RASGEF1C: variants seen among roughly 807,000 people sequenced by gnomAD.
The protein encoded by RASGEF1C is ras-GEF domain-containing family member 1C.
RASGEF1C carries 27 observed loss-of-function variants against 58.1 expected under a neutral mutation model. The observed-to-expected ratio is 0.46, with a 90% CI of 0.34 to 0.64. The LOEUF is 0.64. RASGEF1C is among the 30% of genes least tolerant of loss of function. The pLI, the probability that RASGEF1C is intolerant of heterozygous loss-of-function variation, is 0.01. For synonymous variants in RASGEF1C, 243 were observed against 246.3 expected, an observed-to-expected ratio of 0.99 and a Z score of 0.13; for missense variants, 502 against 605.1, an observed-to-expected ratio of 0.83 and a Z score of 1.79.
At chr5:180,119,934 TCAG>T (rs1766139335) in intron 7 of RASGEF1C, among the ~76,000 whole-genome samples, 1 of 152,058 alleles carries the variant, frequency 6.6e-6, no homozygotes, top group Admixed American at 6.5e-5. Flanking sequence ...GCTCGGGACT[TCAG>T]ACCCCTGTGA....
At position 180,155,823 on chromosome 5, in the gene RASGEF1C, G is replaced by T. The variant is rs1016469397; in HGVS notation, c.-6-17765C>A. Among the ~76,000 whole-genome samples the T allele has an allele frequency of 5.3e-5, 8 of 152,068 alleles. No individual in the cohort carries two copies. The highest frequency in any genetic ancestry group is 1.0e-4 in the Non-Finnish European group (7 of 68,010). On this transcript the variant is annotated intron_variant, in intron 1 of 13. Coordinates refer to ENST00000361132, the MANE Select transcript of RASGEF1C (RefSeq NM_175062.4). This position sits in a 1 kb window ranked among gnomAD's most constrained non-coding sequence, Gnocchi z 5.2. The stretch of plus-strand genomic sequence containing the variant: ...AGGGGTTTGTTTCACCTCCCAACCC[G>T]CATGCTGCCTTCCCTTCAGGAACTT...
At chr5:180,106,947 G>A (rs907950070) in intron 12 of RASGEF1C, among the ~76,000 whole-genome samples, 1 of 152,112 alleles carries the variant, frequency 6.6e-6, no homozygotes, top group African/African-American at 2.4e-5. Flanking sequence ...TTGTAGCTCT[G>A]ATGTTTGGTG....
At chr5:180,135,051 C>CG (rs563832282) in intron 4 of RASGEF1C, among the ~76,000 whole-genome samples, 6 of 138,476 alleles carry the variant, frequency 4.3e-5, no homozygotes, top group East Asian at 2.2e-4. Context: ...CCCCACCCCC[C>CG]CCGTCCAATC....
At chr5:180,207,882 T>C (rs763883350) in intron 1 of RASGEF1C, among the ~76,000 whole-genome samples, 1 of 152,144 alleles carries the variant, frequency 6.6e-6, no homozygotes, top group Non-Finnish European at 1.5e-5. Context: ...CGCGCCCTGG[T>C]CTCCCTCTGC....
chr5:180,113,475 C>T (rs1561731257), intron 11 of RASGEF1C, among the ~76,000 whole-genome samples: 4 of 41,066 alleles, frequency 9.7e-5, no homozygotes, highest in Non-Finnish European at 1.5e-4. Context: ...GACGGAGTGA[C>T]CGGGGATGGA....
chr5:180,108,475 A>G (rs1713660874), intron 12 of RASGEF1C, among the ~76,000 whole-genome samples: 1 of 152,072 alleles, frequency 6.6e-6, no homozygotes, highest in East Asian at 1.9e-4. Flanking sequence ...TGCTGGGATT[A>G]CAAGCACGAG....
chr5:180,190,283 C>G (rs565432039), intron 1 of RASGEF1C, among the ~76,000 whole-genome samples: 17 of 151,184 alleles, frequency 1.1e-4, no homozygotes, highest in East Asian at 3.9e-4. Context: ...GTTAGGAGAT[C>G]GAGACCATCC....
chr5:180,117,909 G>A (rs890786912), intron 10 of RASGEF1C, among the ~76,000 whole-genome samples: 1 of 149,580 alleles, frequency 6.7e-6, no homozygotes, highest in African/African-American at 2.5e-5. Context: ...CAGGAAAATC[G>A]CTTGAACCCA....
chr5:180,144,881 TTATA>T (rs1172597847), intron 1 of RASGEF1C, among the ~76,000 whole-genome samples: 1 of 152,190 alleles, frequency 6.6e-6, no homozygotes, highest in Non-Finnish European at 1.5e-5. Flanking sequence ...TCTGGGTACC[TTATA>T]TAAGTGGAAT....
chr5:180,158,236 T>A lies in RASGEF1C; in HGVS notation c.-6-20178A>T, dbSNP rs138124426. Among the ~76,000 whole-genome samples, 2 of 152,332 alleles carry A rather than the reference T, an allele frequency of 1.3e-5. No individual in the cohort carries two copies. Among genetic ancestry groups the A allele is most frequent in the Non-Finnish European group, 2.9e-5 (2 of 68,030 alleles). On this transcript the variant is annotated intron_variant, in intron 1 of 13. Transcript: ENST00000361132. The surrounding 1 kb of genome is among the most constrained non-coding windows in gnomAD (Gnocchi z 4.0). ...GGGCTCAGTTGCCCTCTGGATGTGGTACGAAGCTGTTACACTGAGATCACC... is the reference window on the plus strand; with the variant it reads ...GGGCTCAGTTGCCCTCTGGATGTGGAACGAAGCTGTTACACTGAGATCACC...
chr5:180,196,461 A>C (rs1756280314), intron 1 of RASGEF1C, among the ~76,000 whole-genome samples: 1 of 151,762 alleles, frequency 6.6e-6, no homozygotes, highest in Non-Finnish European at 1.5e-5. Flanking sequence ...AGATCACACC[A>C]TTGCACTCCA....
intron 11 of RASGEF1C, among the ~76,000 whole-genome samples, chr5:180,112,350 G>C (rs886398099): frequency 6.6e-6 from 1 of 152,242 alleles, no homozygotes; most frequent in African/African-American, 2.4e-5. Flanking sequence ...TGGGGTGTCT[G>C]TGAGGAGGGC....
chr5:180,190,583 G>A (rs1756146527), intron 1 of RASGEF1C, among the ~76,000 whole-genome samples: 1 of 146,736 alleles, frequency 6.8e-6, no homozygotes, highest in African/African-American at 2.4e-5. Context: ...GGGGGCTGTA[G>A]TAGGAGAATT....
In RASGEF1C at chr5:180,177,840, G is replaced by A. The variant is rs1867456; in HGVS notation, c.-7+31188C>T. ...CTCTGCTCAGGGCAAGGTAAGGACAGGAAGTAAGTATGGAGCTGGTGGGGG... is the reference window on the plus strand; with the variant it reads ...CTCTGCTCAGGGCAAGGTAAGGACAAGAAGTAAGTATGGAGCTGGTGGGGG... On this transcript the variant is annotated intron_variant, in intron 1 of 13. Transcript: ENST00000361132. The surrounding 1 kb of genome is among the most constrained non-coding windows in gnomAD (Gnocchi z 5.0). 0.016 allele frequency among the ~76,000 whole-genome samples: 2,387 copies of A among 152,316 alleles called. 55 individuals are homozygous for A. Among genetic ancestry groups the A allele is most frequent in the African/African-American group, 0.054 (2,252 of 41,562 alleles).
chr5:180,141,357 C>T (rs1766576878), intron 1 of RASGEF1C, among the ~76,000 whole-genome samples: 1 of 152,248 alleles, frequency 6.6e-6, no homozygotes, highest in South Asian at 2.1e-4. Flanking sequence ...AAACGCCTCT[C>T]CACACAGTGG....
chr5:180,148,160 C>T (rs968900366), intron 1 of RASGEF1C, among the ~76,000 whole-genome samples: 1 of 152,092 alleles, frequency 6.6e-6, no homozygotes, highest in Non-Finnish European at 1.5e-5. Flanking sequence ...AGTATGGCTG[C>T]TCCCACTCTC....
chr5:180,201,727 G>A (rs774068331), intron 1 of RASGEF1C, among the ~76,000 whole-genome samples: 1 of 152,222 alleles, frequency 6.6e-6, no homozygotes, highest in Non-Finnish European at 1.5e-5. Flanking sequence ...GCATTTGGGG[G>A]CGGGGGCCTT....
At position 180,137,639 on chromosome 5, in the gene RASGEF1C, C is replaced by T; in HGVS notation, c.251G>A (p.Cys84Tyr). The T allele has an allele frequency of 1.2e-6, 2 of 1,612,436 alleles. No homozygotes were observed. Among genetic ancestry groups the T allele is most frequent in the Non-Finnish European group, 1.7e-6 (2 of 1,179,922 alleles). Residue 84 changes from cysteine (C) to tyrosine (Y), a missense_variant, in exon 3 of 14, where the codon TGC (cysteine) becomes TAC (tyrosine). Transcript: ENST00000361132. This position sits in a 1 kb window ranked among gnomAD's most constrained non-coding sequence, Gnocchi z 4.1. ...IEPRELLARV[C>Y]HLCIEQQQLD... ...CTGCTGCTGCTCGATGCACAGGTGG[C>T]AGACCCGGGCCAGGAGCTCCCGGGG...
At chr5:180,149,550 G>A (rs75236707) in intron 1 of RASGEF1C, among the ~76,000 whole-genome samples, 20,947 of 151,828 alleles carry the variant, frequency 0.14, 1,691 homozygotes, top group Middle Eastern at 0.19. Flanking sequence ...CCAACTCCCT[G>A]GTTCAAGCGA....
Sources: allele counts gnomAD v4.1 joint callset (sites outside exome capture counted in the v4.1 genomes callset), GRCh38; gene constraint gnomAD v4.1.1; non-coding constraint Gnocchi (gnomAD v3.1); transcripts MANE v1.5; gene names NCBI Gene and HGNC (gene_info 2026-07-23, HGNC 2026-07-21).